The following SH3D21 variants were observed in gnomAD, a reference collection of about 807,000 sequenced individuals.
The protein encoded by SH3D21 is manchette microtubule inner protein 1.
In SH3D21, 83 loss-of-function variants were observed where a neutral mutation model predicts 82.1. The observed-to-expected ratio is 1.01, with a 90% CI of 0.85 to 1.21. SH3D21 has a LOEUF of 1.21. SH3D21 is among the 50% of genes most tolerant of loss of function. The probability of loss-of-function intolerance (pLI) is 0.00; values close to 1 mark genes in which losing one functional copy is unlikely to be tolerated. For synonymous variants in SH3D21, 383 were observed against 387.8 expected (o/e 0.99, Z 0.15); for missense variants, 980 against 962.1 (o/e 1.02, Z -0.25).
In SH3D21 at chr1:36,320,483, A is replaced by C. The variant is rs770814383; in HGVS notation, c.1820A>C (p.Asn607Thr). Residue 607 changes from asparagine to threonine, a missense_variant, in exon 14 of 16, where the codon AAC becomes ACC. Asn to Thr is a moderately conservative substitution (Grantham distance 65, BLOSUM62 0). Transcript: ENST00000453908. ...ERTPEEEAPP[N>T]EQRPLREEVL... ...ACCCCTGAAGAGGAGGCGCCCCCCA[A>C]CGAGCAGAGGCCTCTGAGAGAGGAG... 6.2e-7 allele frequency: 1 copy of C among 1,613,788 alleles called. No individual in the cohort carries two copies. The highest frequency in any genetic ancestry group is 8.5e-7 in the Non-Finnish European group (1 of 1,179,906).
At chr1:36,321,507 G>T (rs1646462793), downstream of SH3D21, 1 of 811,734 alleles carries the variant, frequency 1.2e-6, no homozygotes. This position sits in a 1 kb window ranked among gnomAD's most constrained non-coding sequence, Gnocchi z 6.1. Context: ...ATCCAGCTGT[G>T]CGCCGGGGAG....
In SH3D21 at chr1:36,319,536, G is replaced by A. The variant is rs750551589; in HGVS notation, c.1011G>A (p.Gln337=). The A allele has an allele frequency of 1.1e-5, 17 of 1,551,650 alleles. No individual in the cohort carries two copies. In the South Asian group the frequency reaches 1.8e-4, roughly 16 times the overall value. The change falls in exon 13 of 16, where the codon CAG becomes CAA. Residue 337 remains glutamine, a splice_region_variant and synonymous_variant. Transcript: ENST00000453908. ...CCCAGCAACGCTCTGTGTCCAGTCA[G>A]GTGAGGGGCGGGAGACATGGGAGAG... ...QTPQQRSVSS[Q]EEEHSSPVKA... is the part of the protein sequence containing the mutation.
Position 36,306,580 on chromosome 1 carries a change from C to T in SH3D21, c.5-18C>T. On this transcript the variant is annotated intron_variant, in intron 1 of 15. Transcript: ENST00000453908. The surrounding 1 kb of genome is among the most constrained non-coding windows in gnomAD (Gnocchi z 4.5). The stretch of plus-strand genomic sequence containing the variant: ...GGGCCTTTCTGAGCCGCACGCCGGC[C>T]CCGTCTTCCGCCCGCAGAAGTCCTC... The T allele has an allele frequency of 7.7e-7, 1 of 1,302,564 alleles. No individual in the cohort carries two copies. The highest frequency in any genetic ancestry group is 1.2e-5 in the South Asian group (1 of 80,902). The allele number at this position is 1,302,564 out of a possible 1,614,324, so 80.7% of individuals were successfully genotyped here.
Position 36,306,820 on chromosome 1 carries a change from T to A in SH3D21, c.163-22T>A. On this transcript the variant is annotated intron_variant, in intron 2 of 15. Transcript: ENST00000453908. This position sits in a 1 kb window ranked among gnomAD's most constrained non-coding sequence, Gnocchi z 4.5. Reference sequence around the variant, plus strand: ...GCGCCCCCCGGGAGCTGAGAGCGCCTTCCCCGTGCCCTGATTCCCAGGAGA... The same window carrying A: ...GCGCCCCCCGGGAGCTGAGAGCGCCATCCCCGTGCCCTGATTCCCAGGAGA... The A allele has an allele frequency of 7.7e-7, 1 of 1,294,840 alleles. No homozygotes were observed. The highest frequency in any genetic ancestry group is 1.0e-6 in the Non-Finnish European group (1 of 988,938). The allele number at this position is 1,294,840 out of a possible 1,614,324, so 80.2% of individuals were successfully genotyped here. A position where few individuals can be genotyped will look rare whatever the true frequency, so the allele number is the denominator to read the frequency against.
intron 10 of SH3D21, among the ~76,000 whole-genome samples, chr1:36,316,453 T>C (rs547990283): frequency 6.6e-6 from 1 of 152,344 alleles, no homozygotes; most frequent in Non-Finnish European, 1.5e-5. Context: ...CAGGCTGGTC[T>C]CGAACTCCTG....
In SH3D21 at chr1:36,319,061, C is replaced by T. The variant is rs1307598145; in HGVS notation, c.770-10C>T. 2 of 1,502,662 alleles carry T rather than the reference C, an allele frequency of 1.3e-6. No individual in the cohort carries two copies. The highest frequency in any genetic ancestry group is 1.4e-5 in the African/African-American group (1 of 72,038). The allele number at this position is 1,502,662 out of a possible 1,614,324, so 93.1% of individuals were successfully genotyped here. ...TCAGATGGATGAGTGCTCCACTCCT[C>T]TCTTCCCAGCTCCTATTAAGGAACC... On this transcript the variant is annotated splice_polypyrimidine_tract_variant and intron_variant, in intron 10 of 15. Transcript: ENST00000453908.
In SH3D21 at chr1:36,320,345, C is replaced by A; in HGVS notation, c.1682C>A (p.Pro561Gln). 6.2e-7 allele frequency: 1 copy of A among 1,613,378 alleles called. No individual in the cohort carries two copies. The highest frequency in any genetic ancestry group is 8.5e-7 in the Non-Finnish European group (1 of 1,179,996). ...ACCCTAGTTAGAGGGGACAGCTCCC[C>A]ACGCCAGGCTGAGTTGAAGTCTGGG... is the stretch of plus-strand genomic sequence containing the variant. Reference protein sequence around the residue: ...KCTLVRGDSSPRQAELKSGPA... With the variant: ...KCTLVRGDSSQRQAELKSGPA... The change falls in exon 14 of 16, where the codon CCA becomes CAA. Residue 561 changes from proline to glutamine, a missense_variant. Physicochemically the swap from Pro to Gln is moderately conservative, Grantham distance 76. Transcript: ENST00000453908.
chr1:36,308,514 G>C (rs1271568242), intron 9 of SH3D21, 39 bp downstream of exon 9: 7 of 1,532,898 alleles, frequency 4.6e-6, no homozygotes, highest in East Asian at 2.5e-5. Flanking sequence ...GCAGGGGCAG[G>C]CTATTTTGGA....
At chr1:36,323,333 G>A (rs1646500695), downstream of SH3D21, 2 of 380,344 alleles carry the variant, frequency 5.3e-6, no homozygotes, top group Non-Finnish European at 9.5e-6. Flanking sequence ...CCGCCGTCCC[G>A]GGGCGGGATG....
Position 36,307,444 on chromosome 1 carries a change from A to G in SH3D21, c.346-73A>G. ...AGGGAGGAAGGGGCGCTTGGGCAGA[A>G]CCAAGGGTGGCAGATTATCCTAGGG... On this transcript the variant is annotated intron_variant, in intron 4 of 15. Coordinates refer to ENST00000453908, the MANE Select transcript of SH3D21 (RefSeq NM_001162530.2). This position sits in a 1 kb window ranked among gnomAD's most constrained non-coding sequence, Gnocchi z 5.4. The G allele has an allele frequency of 6.6e-7, 1 of 1,525,662 alleles. No individual in the cohort carries two copies. Among genetic ancestry groups the G allele is most frequent in the Non-Finnish European group, 8.9e-7 (1 of 1,127,250 alleles). The allele number at this position is 1,525,662 out of a possible 1,614,324, so 94.5% of individuals were successfully genotyped here. A position where few individuals can be genotyped will look rare whatever the true frequency, so the allele number is the denominator to read the frequency against.
chr1:36,318,841 A>G (rs1646388783), intron 10 of SH3D21, among the ~76,000 whole-genome samples: 1 of 151,674 alleles, frequency 6.6e-6, no homozygotes, highest in Admixed American at 6.6e-5. Flanking sequence ...CCAGGGAGGC[A>G]GAGCTTGCAG....
At chr1:36,322,208 G>A (rs1246750254), downstream of SH3D21, 1 of 1,394,652 alleles carries the variant, frequency 7.2e-7, no homozygotes, top group East Asian at 2.8e-5. Context: ...AGCTGTGGGG[G>A]CCGAGGCAGT....
downstream of SH3D21, chr1:36,329,095 G>A (rs1399377440): frequency 6.6e-6 from 1 of 152,236 alleles, no homozygotes; most frequent in African/African-American, 2.4e-5. Context: ...CATAATGCTT[G>A]CTGTTGCTCC....
chr1:36,307,813 G>A lies in SH3D21; in HGVS notation c.480G>A (p.Gln160=). ...TGCCTTCAGTCAGCCCTGGTCCCCAGCGGCCTCCCAAGGTAAGTTGGCTCA... is the reference window on the plus strand; with the variant it reads ...TGCCTTCAGTCAGCCCTGGTCCCCAACGGCCTCCCAAGGTAAGTTGGCTCA... ...PDMPSVSPGP[Q]RPPKLSSLAY... The change falls in exon 6 of 16, where the codon CAG becomes CAA. Residue 160 remains glutamine (Q), a synonymous_variant. Coordinates refer to ENST00000453908, the MANE Select transcript of SH3D21 (RefSeq NM_001162530.2). This position sits in a 1 kb window ranked among gnomAD's most constrained non-coding sequence, Gnocchi z 5.4. 2 of 1,551,820 alleles carry A rather than the reference G, an allele frequency of 1.3e-6. No individual in the cohort carries two copies. Among genetic ancestry groups the A allele is most frequent in the South Asian group, 2.4e-5 (2 of 84,060 alleles).
At chr1:36,317,902 C>CT (rs1162555097) in intron 10 of SH3D21, among the ~76,000 whole-genome samples, 1 of 152,200 alleles carries the variant, frequency 6.6e-6, no homozygotes, top group Non-Finnish European at 1.5e-5. Flanking sequence ...TAATAACTCT[C>CT]TAACACACTA....
At chr1:36,326,666 G>A (rs1646548636), downstream of SH3D21, among the ~76,000 whole-genome samples, 1 of 152,206 alleles carries the variant, frequency 6.6e-6, no homozygotes, top group South Asian at 2.1e-4. Context: ...GGCAAGAAGG[G>A]GAGCAGGGAG....
Position 36,319,773 on chromosome 1 carries a change from C to T in SH3D21, c.1110C>T (p.Asn370=), listed in dbSNP as rs774541805. 51 of 1,611,886 alleles carry T rather than the reference C, an allele frequency of 3.2e-5. No individual in the cohort carries two copies. The highest frequency in any genetic ancestry group is 1.5e-4 in the Admixed American group (9 of 59,632). Residue 370 remains asparagine (N), a synonymous_variant, in exon 14 of 16, where the codon AAC becomes AAT. Transcript: ENST00000453908. Reference sequence around the variant, plus strand: ...CAGAGAGGCCCCCAGCTCCAGAGAACGCCCCCAGCTCCAAGAAGATCCCGG... The same window carrying T: ...CAGAGAGGCCCCCAGCTCCAGAGAATGCCCCCAGCTCCAAGAAGATCCCGG... The part of the protein sequence containing the change: ...ATPERPPAPE[N]APSSKKIPAP...
In SH3D21 at chr1:36,307,074, A is replaced by G. The variant is rs1646140391; in HGVS notation, c.227-93A>G. 5 of 1,522,174 alleles carry G rather than the reference A, an allele frequency of 3.3e-6. No individual in the cohort carries two copies. Among genetic ancestry groups the G allele is most frequent in the Non-Finnish European group, 3.5e-6 (4 of 1,131,420 alleles). The allele number at this position is 1,522,174 out of a possible 1,614,324, so 94.3% of individuals were successfully genotyped here. On this transcript the variant is annotated intron_variant, in intron 3 of 15. Transcript: ENST00000453908. The surrounding 1 kb of genome is among the most constrained non-coding windows in gnomAD (Gnocchi z 5.4). Reference sequence around the variant, plus strand: ...ATGCTCCGCCCTGGGGCGGGGCTGGAGGGACCAAAGGCTACGTGCGCGCCT... The same window carrying G: ...ATGCTCCGCCCTGGGGCGGGGCTGGGGGGACCAAAGGCTACGTGCGCGCCT...
At position 36,307,642 on chromosome 1, in the gene SH3D21, A is replaced by G. The variant is rs1646155745; in HGVS notation, c.436+35A>G. The G allele has an allele frequency of 6.5e-7, 1 of 1,549,064 alleles. No homozygotes were observed. ...CGACTCTGTGACCCTGTGACTCGCAATCTCCAATGACCCTCCCAGTGGCAT... is the reference window on the plus strand; with the variant it reads ...CGACTCTGTGACCCTGTGACTCGCAGTCTCCAATGACCCTCCCAGTGGCAT... On this transcript the variant is annotated intron_variant, in intron 5 of 15. Transcript: ENST00000453908. The surrounding 1 kb of genome is among the most constrained non-coding windows in gnomAD (Gnocchi z 5.4).
Sources: allele counts gnomAD v4.1 joint callset (sites outside exome capture counted in the v4.1 genomes callset), GRCh38; gene constraint gnomAD v4.1.1; non-coding constraint Gnocchi (gnomAD v3.1); transcripts MANE v1.5; gene names NCBI Gene and HGNC (gene_info 2026-07-23, HGNC 2026-07-21).